The following EPC2 variants were observed in gnomAD, a reference collection of about 807,000 sequenced individuals.
The protein encoded by EPC2 is enhancer of polycomb homolog 2.
A neutral mutation model predicts 92.1 loss-of-function variants in EPC2; 14 were observed. That is an observed-to-expected ratio of 0.15 (90% CI 0.10 to 0.24). EPC2 has a LOEUF of 0.24. Among genes scored for constraint, EPC2 ranks in the 10% least tolerant of loss-of-function variants. EPC2 has a pLI of 1.00. For missense variants in EPC2, 755 were observed against 971.5 expected, an observed-to-expected ratio of 0.78 and a Z score of 2.96; for synonymous variants, 340 against 334.7, an observed-to-expected ratio of 1.02 and a Z score of -0.17.
At chr2:148,667,316 C>T (rs954949618) in intron 1 of EPC2, among the ~76,000 whole-genome samples, 1 of 152,100 alleles carries the variant, frequency 6.6e-6, no homozygotes, top group Non-Finnish European at 1.5e-5. Flanking sequence ...TGTTTCAGTA[C>T]AAAATAAAAG....
chr2:148,781,723 G>A lies in EPC2; in HGVS notation c.1800G>A (p.Gln600=). Residue 600 remains glutamine (Q), a synonymous_variant, in exon 11 of 14, where the codon CAG becomes CAA. Coordinates refer to ENST00000258484, the MANE Select transcript of EPC2 (RefSeq NM_015630.4). ...AGATGCAAAGGCAGCAACTTGCCCAGCTTCAGCAGAAACAGCAATCTCAGC... is the reference window on the plus strand; with the variant it reads ...AGATGCAAAGGCAGCAACTTGCCCAACTTCAGCAGAAACAGCAATCTCAGC... ...LVQMQRQQLA[Q]LQQKQQSQHS... is the part of the protein sequence containing the mutation. 3 of 1,613,974 alleles carry A rather than the reference G, an allele frequency of 1.9e-6. No individual in the cohort carries two copies. The highest frequency in any genetic ancestry group is 2.5e-6 in the Non-Finnish European group (3 of 1,179,878).
At chr2:148,654,860 T>A (rs1680758852) in intron 1 of EPC2, among the ~76,000 whole-genome samples, 1 of 152,206 alleles carries the variant, frequency 6.6e-6, no homozygotes, top group Non-Finnish European at 1.5e-5. Flanking sequence ...CCCTGAATAA[T>A]TAATAAATAT....
rs1683502320 is a variant in EPC2, at chr2:148,770,836, G to A, written c.1275G>A (p.Leu425=). 2 of 1,613,474 alleles carry A rather than the reference G, an allele frequency of 1.2e-6. No individual in the cohort carries two copies. Among genetic ancestry groups the A allele is most frequent in the Admixed American group, 1.7e-5 (1 of 59,928 alleles). The change falls in exon 9 of 14, where the codon TTG becomes TTA. Residue 425 remains leucine, a synonymous_variant. Coordinates refer to ENST00000258484, the MANE Select transcript of EPC2 (RefSeq NM_015630.4). ...ACCATTCATGTGAAAATTCAGAATT[G>A]GCAGATTTGGATAAGTTGAGGTATA... is the stretch of plus-strand genomic sequence containing the variant. ...QANHSCENSE[L]ADLDKLRYRH...
intron 1 of EPC2, among the ~76,000 whole-genome samples, chr2:148,687,785 T>G (rs1259215395): frequency 6.6e-6 from 1 of 152,212 alleles, no homozygotes; most frequent in East Asian, 1.9e-4. Flanking sequence ...TGTATTTCTT[T>G]TCTTTCCCGT....
intron 2 of EPC2, among the ~76,000 whole-genome samples, chr2:148,708,672 A>T (rs1253565328): frequency 1.3e-5 from 2 of 152,238 alleles, no homozygotes; most frequent in Non-Finnish European, 2.9e-5. Flanking sequence ...CATCCCTGGG[A>T]TGCAAGGCTG....
rs113867593 is a variant in EPC2, at chr2:148,775,878, C to T, written c.1720+4491C>T. Reference sequence around the variant, plus strand: ...CTGCAAGCTCTGCCTCCCGGGTTCACGCCATTCTCCTGCCTCAGCCTCCCA... The same window carrying T: ...CTGCAAGCTCTGCCTCCCGGGTTCATGCCATTCTCCTGCCTCAGCCTCCCA... On this transcript the variant is annotated intron_variant, in intron 10 of 13. Transcript: ENST00000258484. Among the ~76,000 whole-genome samples the T allele has an allele frequency of 3.7e-3, 545 of 146,890 alleles. 3 individuals are homozygous for T. The highest frequency in any genetic ancestry group is 0.013 in the African/African-American group (508 of 40,058).
Position 148,782,486 on chromosome 2 carries a change from A to AT in EPC2, c.1857+706_1857+707insT, listed in dbSNP as rs201686963. On this transcript the variant is annotated intron_variant, in intron 11 of 13. Coordinates refer to ENST00000258484, the MANE Select transcript of EPC2 (RefSeq NM_015630.4). ...CTGAAGGTGGAGGTTTCAGTGAGCT[A>AT]AGATCGCACCACTGCACTCCAGCCT... Among the ~76,000 whole-genome samples, 1,068 of 152,178 alleles carry AT rather than the reference A, an allele frequency of 7.0e-3. 5 individuals carry two copies. The highest frequency in any genetic ancestry group is 0.024 in the African/African-American group (1,003 of 41,528).
Position 148,644,902 on chromosome 2 carries a change from A to G in EPC2, c.-116A>G, listed in dbSNP as rs2105345953. On this transcript the variant is annotated 5_prime_UTR_variant, in exon 1 of 14. Coordinates refer to ENST00000258484, the MANE Select transcript of EPC2 (RefSeq NM_015630.4). Reference sequence around the variant, plus strand: ...GCCGGGGGCAGTGAGGAGGAGGAGGAGCGGGCCGGCCGCGCTGCACTGAGG... The same window carrying G: ...GCCGGGGGCAGTGAGGAGGAGGAGGGGCGGGCCGGCCGCGCTGCACTGAGG... 1 of 868,070 alleles carries G rather than the reference A, an allele frequency of 1.2e-6. No homozygotes were observed. The highest frequency in any genetic ancestry group is 1.8e-6 in the Non-Finnish European group (1 of 567,768). The allele number at this position is 868,070 out of a possible 1,614,324, so 53.8% of individuals were successfully genotyped here.
chr2:148,726,815 T>G (rs1682509311), intron 2 of EPC2, among the ~76,000 whole-genome samples: 1 of 150,966 alleles, frequency 6.6e-6, no homozygotes, highest in Admixed American at 6.6e-5. Context: ...GAGTTCTTTA[T>G]ATATTTGGAT....
intron 1 of EPC2, among the ~76,000 whole-genome samples, chr2:148,660,827 C>T (rs1680917130): frequency 6.6e-6 from 1 of 151,266 alleles, no homozygotes; most frequent in Admixed American, 6.6e-5. Context: ...TTTTTTAGCT[C>T]ATTTGGTGTA....
At chr2:148,774,356 G>T (rs2105434070) in intron 10 of EPC2, among the ~76,000 whole-genome samples, 1 of 152,240 alleles carries the variant, frequency 6.6e-6, no homozygotes, top group South Asian at 2.1e-4. Flanking sequence ...GCCGGGCGTG[G>T]TGGCTCACGC....
chr2:148,734,043 A>G lies in EPC2; in HGVS notation c.314-9579A>G, dbSNP rs117682621. On this transcript the variant is annotated intron_variant, in intron 2 of 13. Transcript: ENST00000258484. Reference sequence around the variant, plus strand: ...AGGAAAAGAAATGATTTGTGATATCACTTGTCTTTTACTTAGCAAGTCCCC... The same window carrying G: ...AGGAAAAGAAATGATTTGTGATATCGCTTGTCTTTTACTTAGCAAGTCCCC... Among the ~76,000 whole-genome samples, 964 of 152,258 alleles carry G rather than the reference A, an allele frequency of 6.3e-3. 52 individuals are homozygous for G. Among genetic ancestry groups the G allele is most frequent in the Admixed American group, 0.054 (833 of 15,296 alleles).
At chr2:148,666,084 T>C (rs568153685) in intron 1 of EPC2, among the ~76,000 whole-genome samples, 15 of 152,358 alleles carry the variant, frequency 9.8e-5, no homozygotes, top group South Asian at 4.1e-4. Context: ...GCATGTTCTT[T>C]AGGCCACGTT....
At chr2:148,658,681 G>T (rs1412538409) in intron 1 of EPC2, among the ~76,000 whole-genome samples, 1 of 150,388 alleles carries the variant, frequency 6.6e-6, no homozygotes, top group Non-Finnish European at 1.5e-5. Context: ...TTTTGGTCAT[G>T]AGCTACTAGA....
intron 1 of EPC2, among the ~76,000 whole-genome samples, chr2:148,688,672 A>G (rs1242221419): frequency 6.6e-6 from 1 of 152,236 alleles, no homozygotes; most frequent in Non-Finnish European, 1.5e-5. Context: ...CTTACAAAAC[A>G]TCCTTATGCC....
chr2:148,743,772 T>A lies in EPC2; in HGVS notation c.459+5T>A. ...GAAAAAGCCAGTTCTAATCAGGTAC[T>A]GTACCATGTAAAGATGTCTCTTATC... On this transcript the variant is annotated splice_donor_5th_base_variant and intron_variant, in intron 3 of 13. Transcript: ENST00000258484. 8 of 1,545,510 alleles carry A rather than the reference T, an allele frequency of 5.2e-6. No individual in the cohort carries two copies. The highest frequency in any genetic ancestry group is 6.9e-6 in the Non-Finnish European group (8 of 1,152,292).
intron 7 of EPC2, 106 bp downstream of exon 7, chr2:148,765,252 T>C: frequency 1.4e-6 from 1 of 729,220 alleles, no homozygotes; most frequent in Non-Finnish European, 2.1e-6. Flanking sequence ...TTTGTTCCCC[T>C]AATGTATATA....
chr2:148,663,826 A>G (rs1483559967), intron 1 of EPC2, among the ~76,000 whole-genome samples: 2 of 151,978 alleles, frequency 1.3e-5, no homozygotes, highest in African/African-American at 4.8e-5. Flanking sequence ...GGAATGCACA[A>G]CCTAGATCCC....
intron 2 of EPC2, among the ~76,000 whole-genome samples, chr2:148,728,799 A>G (rs894232596): frequency 4.0e-4 from 61 of 151,542 alleles, no homozygotes; most frequent in Middle Eastern, 3.4e-3. Context: ...TTGGGAGGCC[A>G]AGGCGGGCAG....
Sources: gnomAD v4.1 joint callset for allele counts (sites outside exome capture counted in the v4.1 genomes callset) on GRCh38, gnomAD v4.1.1 for gene constraint, MANE v1.5 for transcripts, NCBI Gene and HGNC (gene_info 2026-07-23, HGNC 2026-07-21) for gene names.